ACBD5: variants seen among roughly 807,000 people sequenced by gnomAD.
ACBD5 encodes the protein acyl-CoA-binding domain-containing protein 5.
In ACBD5, 40 loss-of-function variants were observed where a neutral mutation model predicts 71.8. The ratio of observed to expected loss-of-function variants is 0.56; its 90% confidence interval spans 0.43 to 0.72. ACBD5 has a LOEUF of 0.72. Among genes scored for constraint, ACBD5 ranks in the 30% least tolerant of loss-of-function variants. The pLI, the probability that ACBD5 is intolerant of heterozygous loss-of-function variation, is 0.00. For missense variants in ACBD5, 559 were observed against 644.5 expected (o/e 0.87, Z 1.44); for synonymous variants, 229 against 218.6 (o/e 1.05, Z -0.42).
At chr10:27,216,105 C>G (rs1382934244) in intron 7 of ACBD5, among the ~76,000 whole-genome samples, 1 of 151,600 alleles carries the variant, frequency 6.6e-6, no homozygotes, top group Non-Finnish European at 1.5e-5. Context: ...AACTCCTGAG[C>G]TCAGATGATC....
chr10:27,229,818 T>C (rs1436510868), intron 4 of ACBD5, among the ~76,000 whole-genome samples: 1 of 152,224 alleles, frequency 6.6e-6, no homozygotes, highest in Non-Finnish European at 1.5e-5. Flanking sequence ...ACTGTAAACT[T>C]TGTCATATTC....
In ACBD5 at chr10:27,204,494, A is replaced by G; in HGVS notation, c.1511T>C (p.Ile504Thr). 6.2e-7 allele frequency: 1 copy of G among 1,614,162 alleles called. No individual in the cohort carries two copies. Among genetic ancestry groups the G allele is most frequent in the Non-Finnish European group, 8.5e-7 (1 of 1,179,996 alleles). The change falls in exon 12 of 13, where the codon ATA becomes ACA. Residue 504 changes from isoleucine (I) to threonine (T), a missense_variant. Coordinates refer to ENST00000396271, the MANE Select transcript of ACBD5 (RefSeq NM_145698.5). ...CAACCACTGTGCAATAAAAGGCCAT[A>G]TGATGGCAAACGTTAGCACACCAGG... is the stretch of plus-strand genomic sequence containing the variant. ...MSPGVLTFAI[I>T]WPFIAQWLVY...
intron 9 of ACBD5, among the ~76,000 whole-genome samples, chr10:27,209,473 C>T (rs941178848): frequency 6.6e-6 from 1 of 152,114 alleles, no homozygotes; most frequent in African/African-American, 2.4e-5. Flanking sequence ...CAGGCGCATG[C>T]CACTACGCCC....
chr10:27,185,775 A>G (rs531912206), intron 13 of ACBD5, among the ~76,000 whole-genome samples: 1 of 131,916 alleles, frequency 7.6e-6, no homozygotes, highest in East Asian at 2.2e-4. Flanking sequence ...CACTGGAGAG[A>G]GACTCCATTT....
intron 4 of ACBD5, among the ~76,000 whole-genome samples, chr10:27,229,414 AC>A (rs1418729417): frequency 6.6e-6 from 1 of 151,330 alleles, no homozygotes; most frequent in Non-Finnish European, 1.5e-5. Context: ...ACATGGTGAA[AC>A]CCCCATCTCT....
chr10:27,213,356 T>C (rs2061304699), intron 8 of ACBD5, among the ~76,000 whole-genome samples: 1 of 152,062 alleles, frequency 6.6e-6, no homozygotes, highest in South Asian at 2.1e-4. Context: ...AGACAAGCAA[T>C]AACAAATGCT....
In ACBD5 at chr10:27,196,912, C is replaced by T. The variant is rs1334340634; in HGVS notation, c.*518G>A. On this transcript the variant is annotated 3_prime_UTR_variant, in exon 13 of 13. Coordinates refer to ENST00000396271, the MANE Select transcript of ACBD5 (RefSeq NM_145698.5). ...TGGGCAGCCCACAAAGTGAATATGA[C>T]CATTCTTCCTGTGGTTTTCTACTAC... 2.2e-6 allele frequency: 1 copy of T among 453,996 alleles called. No individual in the cohort carries two copies. Among genetic ancestry groups the T allele is most frequent in the Non-Finnish European group, 4.4e-6 (1 of 226,704 alleles). The allele number at this position is 453,996 out of a possible 1,614,324, so 28.1% of individuals were successfully genotyped here.
At chr10:27,238,782 T>C (rs2065087831) in intron 2 of ACBD5, among the ~76,000 whole-genome samples, 1 of 131,134 alleles carries the variant, frequency 7.6e-6, no homozygotes, top group Non-Finnish European at 1.5e-5. Flanking sequence ...AAATTATTGA[T>C]AATTAATGAT....
intron 6 of ACBD5, among the ~76,000 whole-genome samples, chr10:27,218,832 C>T (rs767281394): frequency 4.6e-5 from 7 of 151,998 alleles, no homozygotes; most frequent in Admixed American, 6.5e-5. Context: ...GTGATCTGCC[C>T]GCCTCGGCCT....
chr10:27,205,159 T>C (rs750860605), intron 11 of ACBD5, 39 bp downstream of exon 11: 3 of 1,587,684 alleles, frequency 1.9e-6, no homozygotes, highest in Admixed American at 1.7e-5. Context: ...AAAAAACATA[T>C]GAAACCCTGG....
At chr10:27,184,759 C>T (rs2058565952) in intron 13 of ACBD5, among the ~76,000 whole-genome samples, 1 of 151,814 alleles carries the variant, frequency 6.6e-6, no homozygotes, top group African/African-American at 2.4e-5. Flanking sequence ...CGGGGTTTCA[C>T]CATGTTGGCC....
intron 8 of ACBD5, among the ~76,000 whole-genome samples, chr10:27,214,994 T>C (rs1391180112): frequency 6.6e-6 from 1 of 152,122 alleles, no homozygotes; most frequent in Non-Finnish European, 1.5e-5. Context: ...TGAAACTCTG[T>C]CTCTACTGAA....
intron 3 of ACBD5, among the ~76,000 whole-genome samples, chr10:27,234,245 T>C (rs544548655): frequency 6.6e-6 from 1 of 152,304 alleles, no homozygotes; most frequent in South Asian, 2.1e-4. Context: ...TTATAATTCA[T>C]TTAAGTATAC....
intron 2 of ACBD5, among the ~76,000 whole-genome samples, chr10:27,239,750 TTTG>T: frequency 6.6e-6 from 1 of 151,890 alleles, no homozygotes; most frequent in Admixed American, 6.6e-5. Context: ...TGTTTGTTTG[TTTG>T]TTTGTTTGTT....
Position 27,196,908 on chromosome 10 carries a change from A to G in ACBD5, c.*522T>C, listed in dbSNP as rs1300339354. 1 of 454,048 alleles carries G rather than the reference A, an allele frequency of 2.2e-6. No individual in the cohort carries two copies. Among genetic ancestry groups the G allele is most frequent in the East Asian group, 6.9e-5 (1 of 14,408 alleles). The allele number at this position is 454,048 out of a possible 1,614,324, so 28.1% of individuals were successfully genotyped here. On this transcript the variant is annotated 3_prime_UTR_variant, in exon 13 of 13. Coordinates refer to ENST00000396271, the MANE Select transcript of ACBD5 (RefSeq NM_145698.5). ...ATTATGGGCAGCCCACAAAGTGAATATGACCATTCTTCCTGTGGTTTTCTA... is the reference window on the plus strand; with the variant it reads ...ATTATGGGCAGCCCACAAAGTGAATGTGACCATTCTTCCTGTGGTTTTCTA...
chr10:27,214,126 A>G (rs890809329), intron 8 of ACBD5, among the ~76,000 whole-genome samples: 3 of 152,152 alleles, frequency 2.0e-5, no homozygotes, highest in African/African-American at 7.2e-5. Flanking sequence ...AAACAATTAA[A>G]CTCATGGAGA....
chr10:27,190,647 AAT>A (rs66713034), downstream of ACBD5, among the ~76,000 whole-genome samples: 151,332 of 152,290 alleles, frequency 0.99, 75,196 homozygotes, highest in Middle Eastern at 1. Flanking sequence ...ATATAGTACA[AAT>A]ATATTTACTG....
chr10:27,191,888 C>CA (rs1025870864), downstream of ACBD5, among the ~76,000 whole-genome samples: 32 of 144,016 alleles, frequency 2.2e-4, no homozygotes, highest in African/African-American at 6.2e-4. Context: ...AACTCTGAAT[C>CA]AAAAAAAAAT....
In ACBD5 at chr10:27,210,859, G is replaced by C. The variant is rs1378493924; in HGVS notation, c.1159C>G (p.Arg387Gly). Residue 387 changes from arginine to glycine, a missense_variant, in exon 9 of 13, where the codon CGA becomes GGA. Coordinates refer to ENST00000396271, the MANE Select transcript of ACBD5 (RefSeq NM_145698.5). Reference protein sequence around the residue: ...NNSGAPHREKRGGETDEFSNV... With the variant: ...NNSGAPHREKGGGETDEFSNV... ...GAGAATTCGTCAGTTTCTCCGCCTC[G>C]CTTCTCCCGGTGTGGTGCTCCGCTG... 1 of 1,614,134 alleles carries C rather than the reference G, an allele frequency of 6.2e-7. No individual in the cohort carries two copies. The highest frequency in any genetic ancestry group is 8.5e-7 in the Non-Finnish European group (1 of 1,180,030).
Sources: allele counts gnomAD v4.1 joint callset (sites outside exome capture counted in the v4.1 genomes callset), GRCh38; gene constraint gnomAD v4.1.1; transcripts MANE v1.5; gene names NCBI Gene and HGNC (gene_info 2026-07-23, HGNC 2026-07-21).